LARGE1: variants seen among roughly 807,000 people sequenced by gnomAD.
The protein encoded by LARGE1 is LARGE xylosyl- and glucuronyltransferase 1.
Under a neutral mutation model 87.6 loss-of-function variants are expected in LARGE1, and 43 were observed. That is an observed-to-expected ratio of 0.49 (90% CI 0.38 to 0.63). The LOEUF (loss-of-function observed/expected upper bound fraction) is 0.63, where lower values mean the gene tolerates loss of function less well. Among genes scored for constraint, LARGE1 ranks in the 30% least tolerant of loss-of-function variants. LARGE1 has a pLI of 0.00. For synonymous variants in LARGE1, 434 were observed against 394.6 expected (o/e 1.10, Z -1.18); for missense variants, 802 against 1,000.2 (o/e 0.80, Z 2.67).
intron 2 of LARGE1, chr22:33,727,467 C>T (rs1354501563): frequency 2.0e-5 from 3 of 152,084 alleles, no homozygotes; most frequent in African/African-American, 7.3e-5. Context: ...TATCTAATGC[C>T]CTGTTTCTCT....
At chr22:33,737,556 T>C (rs2083700578) in intron 2 of LARGE1, 1 of 152,178 alleles carries the variant, frequency 6.6e-6, no homozygotes. Flanking sequence ...CACTGTTCCA[T>C]TTTCCAGGAC....
rs182784274 is a variant in LARGE1 at position 33,462,908 on chromosome 22, G to A, written c.788-30643C>T. 5.0e-3 allele frequency among the ~76,000 whole-genome samples: 760 copies of A among 152,278 alleles called. 10 individuals carry two copies. The highest frequency in any genetic ancestry group is 0.017 in the African/African-American group (716 of 41,548). ...ACAAGCATGTAACTCAGAAGGAGGC[G>A]ATTAAACTTTCTAACGTCTCACACT... On this transcript the variant is annotated intron_variant, in intron 6 of 14. Transcript: ENST00000397394.
rs768853635 is a variant in LARGE1, at chr22:33,244,663, A to G, written c.1730+59566T>C. 5.3e-5 allele frequency among the ~76,000 whole-genome samples: 8 copies of G among 152,360 alleles called. No homozygotes were observed. In the Middle Eastern group the frequency reaches 0.01, roughly 194 times the overall value. On this transcript the variant is annotated intron_variant, in intron 11 of 11. Transcript: ENST00000608642. ...CTCTGTAGGCAGTTAGAAATCAACT[A>G]TGCCATCTGTCATCATCTTGACCTG...
At chr22:33,203,095 CTCTCTCTGTG>C (rs1163815398) in intron 11 of LARGE1, among the ~76,000 whole-genome samples, 2 of 133,672 alleles carry the variant, frequency 1.5e-5, no homozygotes, top group South Asian at 2.7e-4. Context: ...CTCTCTCTCT[CTCTCTCTGTG>C]TGTGTGTGTG....
intron 2 of LARGE1, among the ~76,000 whole-genome samples, chr22:33,754,526 C>T (rs7286469): frequency 0.089 from 13,568 of 151,758 alleles, 788 homozygotes; most frequent in African/African-American, 0.17. Context: ...TTAGTAGAGA[C>T]GGGGTTTCAC....
chr22:33,130,171 G>A, the LARGE1 span, among the ~76,000 whole-genome samples: 1 of 151,270 alleles, frequency 6.6e-6, no homozygotes. Flanking sequence ...AAAATTAGCC[G>A]GGCGTGGTGG....
chr22:33,351,862 C>T (rs763314317), intron 9 of LARGE1, among the ~76,000 whole-genome samples: 4 of 152,006 alleles, frequency 2.6e-5, no homozygotes, highest in Non-Finnish European at 5.9e-5. Context: ...CCTCAGCCTC[C>T]CGAGTAGCTG....
At chr22:33,684,250 T>C (rs2081875959) in intron 2 of LARGE1, among the ~76,000 whole-genome samples, 2 of 152,134 alleles carry the variant, frequency 1.3e-5, no homozygotes, top group Non-Finnish European at 2.9e-5. Flanking sequence ...CACTCCCTTC[T>C]CTGACCTTGC....
intron 2 of LARGE1, 113 bp downstream of exon 2, chr22:33,761,258 G>T: frequency 1.1e-6 from 1 of 896,190 alleles, no homozygotes; most frequent in South Asian, 1.3e-5. Context: ...CACTTCCCAT[G>T]ACTGGAAATA....
intron 11 of LARGE1, among the ~76,000 whole-genome samples, chr22:33,258,397 G>C (rs1327196394): frequency 6.6e-6 from 1 of 152,144 alleles, no homozygotes; most frequent in East Asian, 1.9e-4. Flanking sequence ...GAGGTTGCTG[G>C]GTAAAGGAGC....
intron 11 of LARGE1, among the ~76,000 whole-genome samples, chr22:33,309,053 C>A (rs745443139): frequency 5.9e-5 from 9 of 152,134 alleles, no homozygotes; most frequent in Non-Finnish European, 1.3e-4. Flanking sequence ...GGGGCCTAGG[C>A]GCCTGCATTT....
chr22:33,364,195 C>T (rs2064497573), intron 9 of LARGE1, among the ~76,000 whole-genome samples: 1 of 152,144 alleles, frequency 6.6e-6, no homozygotes, highest in South Asian at 2.1e-4. Context: ...GCTGGGACTA[C>T]AGGCGCCCGC....
chr22:33,720,033 G>A (rs568579312), intron 2 of LARGE1, among the ~76,000 whole-genome samples: 1 of 152,226 alleles, frequency 6.6e-6, no homozygotes, highest in South Asian at 2.1e-4. Flanking sequence ...TTGGGGGAAG[G>A]GGATGGTTTG....
intron 2 of LARGE1, among the ~76,000 whole-genome samples, chr22:33,748,985 C>T (rs2084208274): frequency 6.6e-6 from 1 of 152,200 alleles, no homozygotes; most frequent in Non-Finnish European, 1.5e-5. Context: ...TTTTGCATCC[C>T]TCCCAGGAGA....
At chr22:33,574,686 TTGTGTGTGTGTGTGTGTGTG>T (rs3986017) in intron 5 of LARGE1, among the ~76,000 whole-genome samples, 3,173 of 144,062 alleles carry the variant, frequency 0.022, 108 homozygotes, top group African/African-American at 0.074. Flanking sequence ...ATATAAACAA[TTGTGTGTGTGTGTGTGTGTG>T]TGTGTGTGTG....
chr22:33,164,517 T>G (rs1922161171), exon 12 of LARGE1: 1 of 151,790 alleles, frequency 6.6e-6, no homozygotes, highest in East Asian at 1.9e-4. Context: ...TTTTTATTTT[T>G]ATGTATATTT....
intron 2 of LARGE1, among the ~76,000 whole-genome samples, chr22:33,749,965 G>T (rs1276080505): frequency 6.6e-6 from 1 of 152,122 alleles, no homozygotes; most frequent in Non-Finnish European, 1.5e-5. Context: ...TGCTCAAACG[G>T]TACAACGTCC....
At chr22:33,140,333 G>GA in the LARGE1 span, among the ~76,000 whole-genome samples, 31,558 of 152,076 alleles carry the variant, frequency 0.21, 4,377 homozygotes, top group Non-Finnish European at 0.31. Flanking sequence ...GTGCAGTGGG[G>GA]AGAAAAGGGG....
At chr22:33,607,294 T>G (rs950409032) in intron 4 of LARGE1, among the ~76,000 whole-genome samples, 3 of 151,822 alleles carry the variant, frequency 2.0e-5, no homozygotes, top group Non-Finnish European at 2.9e-5. Context: ...AAACCCTGTC[T>G]CTACTAAAAA....
Sources: gnomAD v4.1 joint callset for allele counts (sites outside exome capture counted in the v4.1 genomes callset) on GRCh38, gnomAD v4.1.1 for gene constraint, MANE v1.5 for transcripts, NCBI Gene and HGNC (gene_info 2026-07-23, HGNC 2026-07-21) for gene names.